USP15: variants seen among roughly 807,000 people sequenced by gnomAD.
USP15 encodes the protein ubiquitin specific peptidase 15.
USP15 carries 18 observed loss-of-function variants against 127.1 expected under a neutral mutation model. The observed-to-expected ratio is 0.14, with a 90% CI of 0.10 to 0.21. USP15 has a LOEUF of 0.21. USP15 is among the 10% of genes least tolerant of loss of function. USP15 has a pLI of 1.00. For missense variants in USP15, 805 were observed against 1,159.9 expected, an observed-to-expected ratio of 0.69 and a Z score of 4.44; for synonymous variants, 364 against 393.7, an observed-to-expected ratio of 0.92 and a Z score of 0.89.
chr12:62,352,533 A>AT (rs1483530148), intron 7 of USP15, among the ~76,000 whole-genome samples: 2 of 151,988 alleles, frequency 1.3e-5, no homozygotes, highest in Non-Finnish European at 2.9e-5. Context: ...TCAATTTGAC[A>AT]TTCCAAATGC....
chr12:62,395,764 C>T (rs549946454), intron 19 of USP15, among the ~76,000 whole-genome samples: 1 of 151,544 alleles, frequency 6.6e-6, no homozygotes, highest in East Asian at 1.9e-4. Context: ...TCTTTCTGTG[C>T]CTGGCTTATT....
chr12:62,389,249 TA>T, intron 11 of USP15, among the ~76,000 whole-genome samples, 181 bp from the exon 12 acceptor site: 1 of 152,278 alleles, frequency 6.6e-6, no homozygotes, highest in East Asian at 1.9e-4. Context: ...CAAGGAATGA[TA>T]AAACTAGGAC....
At chr12:62,345,991 G>A (rs548400647) in intron 6 of USP15, among the ~76,000 whole-genome samples, 15 of 152,108 alleles carry the variant, frequency 9.9e-5, no homozygotes, top group Non-Finnish European at 1.9e-4. Flanking sequence ...ATGAGATTTG[G>A]GTGGGGACAC....
chr12:62,392,995 C>T (rs1350573316), intron 18 of USP15, 58 bp from the exon 19 acceptor site: 1 of 1,565,284 alleles, frequency 6.4e-7, no homozygotes, highest in Non-Finnish European at 8.6e-7. Context: ...TTATTATTTT[C>T]ATTAATGGGG....
chr12:62,316,479 AT>A (rs1368134964), intron 4 of USP15, among the ~76,000 whole-genome samples: 6 of 152,210 alleles, frequency 3.9e-5, no homozygotes, highest in African/African-American at 1.4e-4. Flanking sequence ...ACATATGAAA[AT>A]TATTTTAATC....
intron 6 of USP15, among the ~76,000 whole-genome samples, chr12:62,333,691 T>C (rs1313595328): frequency 1.3e-5 from 2 of 152,156 alleles, no homozygotes; most frequent in African/African-American, 4.8e-5. Flanking sequence ...TGGTGTTTTC[T>C]GAGACTTTAA....
intron 8 of USP15, among the ~76,000 whole-genome samples, chr12:62,363,676 C>G (rs1565887948): frequency 6.6e-6 from 1 of 152,050 alleles, no homozygotes; most frequent in Admixed American, 6.6e-5. Flanking sequence ...CAGACACCCT[C>G]TCCCCGCGTC....
At chr12:62,355,514 G>T (rs777248458) in intron 8 of USP15, 39 bp downstream of exon 8, 1 of 1,543,814 alleles carries the variant, frequency 6.5e-7, no homozygotes, top group South Asian at 1.2e-5. Flanking sequence ...ATGTTTCATG[G>T]AAATCTGTAA....
intron 1 of USP15, among the ~76,000 whole-genome samples, chr12:62,292,980 TC>T (rs1180924912): frequency 3.3e-5 from 5 of 152,038 alleles, no homozygotes; most frequent in Non-Finnish European, 7.4e-5. Flanking sequence ...CAAGATAAAG[TC>T]CCCTGATGGA....
At chr12:62,404,159 A>G (rs376028671) in intron 21 of USP15, 34 bp from the exon 22 acceptor site, 91 of 1,532,720 alleles carry the variant, frequency 5.9e-5, no homozygotes, top group Non-Finnish European at 7.6e-5. Flanking sequence ...ATCTTTGAGA[A>G]TCATAACTGT....
chr12:62,387,709 T>A (rs2067197212), intron 11 of USP15, among the ~76,000 whole-genome samples: 1 of 152,058 alleles, frequency 6.6e-6, no homozygotes, highest in South Asian at 2.1e-4. Flanking sequence ...GTTATGATAA[T>A]ATAGATATCA....
intron 6 of USP15, among the ~76,000 whole-genome samples, chr12:62,332,932 A>G (rs754458035): frequency 1.3e-5 from 2 of 152,148 alleles, no homozygotes; most frequent in Admixed American, 6.5e-5. Context: ...AAATAAAACC[A>G]TTGCATACTA....
chr12:62,331,778 CA>C (rs539250399), intron 6 of USP15, among the ~76,000 whole-genome samples: 4 of 151,634 alleles, frequency 2.6e-5, no homozygotes, highest in Non-Finnish European at 2.9e-5. Flanking sequence ...CATTTAGTTA[CA>C]AAAAAAATAT....
intron 18 of USP15, among the ~76,000 whole-genome samples, chr12:62,392,678 A>C (rs2067360378): frequency 6.6e-6 from 1 of 152,120 alleles, no homozygotes; most frequent in Non-Finnish European, 1.5e-5. Context: ...TTTTGAGAGA[A>C]GCTTTTTAGG....
At chr12:62,364,078 G>T (rs570656557) in intron 8 of USP15, among the ~76,000 whole-genome samples, 1 of 152,086 alleles carries the variant, frequency 6.6e-6, no homozygotes, top group Non-Finnish European at 1.5e-5. Context: ...AAAAATCTGC[G>T]TGTCGTAGGT....
intron 9 of USP15, among the ~76,000 whole-genome samples, chr12:62,383,276 CCAGA>C (rs1390689589): frequency 2.6e-5 from 4 of 151,878 alleles, no homozygotes; most frequent in Non-Finnish European, 5.9e-5. Flanking sequence ...TTTTCGTCAA[CCAGA>C]CAATGTATAA....
chr12:62,273,742 G>A (rs1359395082), intron 1 of USP15, among the ~76,000 whole-genome samples: 1 of 152,024 alleles, frequency 6.6e-6, no homozygotes, highest in Non-Finnish European at 1.5e-5. Flanking sequence ...TTATTGATGT[G>A]AAAACATGAA....
intron 6 of USP15, among the ~76,000 whole-genome samples, chr12:62,339,256 G>C (rs2065576648): frequency 6.6e-6 from 1 of 152,136 alleles, no homozygotes; most frequent in Admixed American, 6.5e-5. Context: ...CTGAGATTTT[G>C]CTGAAGTTGC....
At chr12:62,290,818 C>T (rs2063942870) in intron 1 of USP15, among the ~76,000 whole-genome samples, 1 of 152,126 alleles carries the variant, frequency 6.6e-6, no homozygotes, top group African/African-American at 2.4e-5. Flanking sequence ...TGACAGATTC[C>T]CTCAATGATT....
Sources: gnomAD v4.1 joint callset for allele counts (sites outside exome capture counted in the v4.1 genomes callset) on GRCh38, gnomAD v4.1.1 for gene constraint, MANE v1.5 for transcripts, NCBI Gene and HGNC (gene_info 2026-07-23, HGNC 2026-07-21) for gene names.